Variants in WDR37 observed in about 807,000 individuals in gnomAD.
The protein encoded by WDR37 is WD repeat domain 37, also known as WD repeat-containing protein 37.
WDR37 carries 19 observed loss-of-function variants against 62.9 expected under a neutral mutation model. The ratio of observed to expected loss-of-function variants is 0.30; its 90% CI spans 0.21 to 0.44. The LOEUF (loss-of-function observed/expected upper bound fraction) is 0.44. Among genes scored for constraint, WDR37 ranks in the 20% least tolerant of loss-of-function variants. The pLI, the probability that WDR37 is intolerant of heterozygous loss-of-function variation, is 1.00. For synonymous variants in WDR37, 250 were observed against 260.9 expected (o/e 0.96, Z 0.40); for missense variants, 474 against 657.6 (o/e 0.72, Z 3.05).
chr10:1,097,270 A>G (rs537166643), intron 9 of WDR37, among the ~76,000 whole-genome samples: 10 of 152,280 alleles, frequency 6.6e-5, no homozygotes, highest in Admixed American at 6.5e-4. Flanking sequence ...GCCAGTTGAC[A>G]GGGAGGCGAG....
chr10:1,060,101 A>G (rs1833328313), intron 1 of WDR37, among the ~76,000 whole-genome samples: 1 of 152,218 alleles, frequency 6.6e-6, no homozygotes, highest in South Asian at 2.1e-4. Flanking sequence ...GGCCTCCCAA[A>G]AGGCTGGGAT....
At position 1,107,412 on chromosome 10, in the gene WDR37, C is replaced by T. The variant is rs191816910; in HGVS notation, c.1103+2145C>T. On this transcript the variant is annotated intron_variant, in intron 11 of 13. Transcript: ENST00000263150. ...GAGGAGCAAGATGGTCTCACTCCTG[C>T]GCCTGCAGTGCTTTCCTAAGCTTTT... 2.4e-4 allele frequency among the ~76,000 whole-genome samples: 37 copies of T among 152,372 alleles called. No individual in the cohort carries two copies. In the East Asian group the frequency reaches 5.8e-3, roughly 24 times the overall value.
chr10:1,058,711 C>T (rs1342700157), intron 1 of WDR37, among the ~76,000 whole-genome samples: 1 of 152,194 alleles, frequency 6.6e-6, no homozygotes, highest in African/African-American at 2.4e-5. Context: ...ATACTGATGA[C>T]AGATTTCTGA....
intron 7 of WDR37, among the ~76,000 whole-genome samples, chr10:1,086,980 G>A (rs1313767239): frequency 6.6e-6 from 1 of 152,104 alleles, no homozygotes; most frequent in African/African-American, 2.4e-5. Flanking sequence ...ACACCTCCAC[G>A]CTGCCAGGCT....
chr10:1,098,602 G>C (rs1293592578), intron 9 of WDR37, among the ~76,000 whole-genome samples: 1 of 152,202 alleles, frequency 6.6e-6, no homozygotes, highest in Admixed American at 6.5e-5. Context: ...TGGGATTACA[G>C]GCGTGAGCCA....
chr10:1,096,346 C>T, intron 9 of WDR37, 100 bp downstream of exon 9: 1 of 1,376,944 alleles, frequency 7.3e-7, no homozygotes, highest in South Asian at 1.2e-5. Context: ...TTTGTGTCCC[C>T]CCAAGTTCAG....
chr10:1,078,186 G>A (rs892334413), intron 3 of WDR37, among the ~76,000 whole-genome samples, 183 bp downstream of exon 3: 2 of 151,948 alleles, frequency 1.3e-5, no homozygotes, highest in African/African-American at 2.4e-5. Flanking sequence ...TAATTCCCAC[G>A]AGGACTCCGT....
chr10:1,126,276 G>A (rs572963945), intron 13 of WDR37, among the ~76,000 whole-genome samples: 16 of 151,892 alleles, frequency 1.1e-4, no homozygotes, highest in Non-Finnish European at 2.4e-4. Flanking sequence ...CGTGGTGGCG[G>A]GCGTCTGTAG....
At chr10:1,068,508 G>A (rs1336685412) in intron 1 of WDR37, among the ~76,000 whole-genome samples, 2 of 151,930 alleles carry the variant, frequency 1.3e-5, no homozygotes, top group Non-Finnish European at 2.9e-5. Context: ...ACCCTAAATA[G>A]CCTGTCTTGA....
At chr10:1,123,272 A>C (rs1835642961) in intron 11 of WDR37, among the ~76,000 whole-genome samples, 2 of 152,398 alleles carry the variant, frequency 1.3e-5, no homozygotes, top group African/African-American at 4.8e-5. Context: ...AAATATACAT[A>C]ATATGAAACT....
chr10:1,109,357 G>T (rs1835135021), intron 11 of WDR37, among the ~76,000 whole-genome samples: 1 of 152,154 alleles, frequency 6.6e-6, no homozygotes, highest in Non-Finnish European at 1.5e-5. Context: ...GCATGTTTTC[G>T]CTTCTAAGGC....
intron 1 of WDR37, among the ~76,000 whole-genome samples, chr10:1,058,310 G>A (rs536847880): frequency 1.3e-5 from 2 of 152,330 alleles, no homozygotes; most frequent in East Asian, 1.9e-4. Context: ...GTTACGTTAT[G>A]TAATATATGC....
rs74120419 is a variant in WDR37 at position 1,075,753 on chromosome 10, A to G, written c.139-2154A>G. On this transcript the variant is annotated intron_variant, in intron 2 of 13. Coordinates refer to ENST00000263150, the MANE Select transcript of WDR37 (RefSeq NM_014023.4). ...TACTAATAGTGATTCTCAGTTCAGCACAAGCTTATGTTTCATAGTTATTGG... is the reference window on the plus strand; with the variant it reads ...TACTAATAGTGATTCTCAGTTCAGCGCAAGCTTATGTTTCATAGTTATTGG... 8.6e-3 allele frequency among the ~76,000 whole-genome samples: 1,300 copies of G among 150,990 alleles called. 12 individuals are homozygous for G. Among genetic ancestry groups the G allele is most frequent in the African/African-American group, 0.02 (834 of 41,128 alleles).
chr10:1,113,973 T>TTTTA (rs1554825604), intron 11 of WDR37, among the ~76,000 whole-genome samples: 1 of 144,746 alleles, frequency 6.9e-6, no homozygotes, highest in East Asian at 2.0e-4. Context: ...TTTTTTTTTT[T>TTTTA]AAGATGGGAG....
intron 11 of WDR37, 162 bp from the exon 12 acceptor site, chr10:1,124,056 G>A (rs1835666678): frequency 2.5e-6 from 2 of 810,046 alleles, no homozygotes; most frequent in East Asian, 5.3e-5. Flanking sequence ...TTCTTGCACT[G>A]GTGGAGAGGC....
intron 1 of WDR37, 53 bp from the exon 2 acceptor site, chr10:1,072,060 TTTC>T (rs1361263083): frequency 2.1e-6 from 3 of 1,412,198 alleles, no homozygotes; most frequent in African/African-American, 2.9e-5. Context: ...CTTCACTGTT[TTTC>T]TTTTGTTTCA....
intron 12 of WDR37, 64 bp downstream of exon 12, chr10:1,124,416 C>A (rs1312292714): frequency 4.4e-6 from 7 of 1,601,658 alleles, no homozygotes; most frequent in Non-Finnish European, 6.0e-6. Flanking sequence ...ATTGTGATTT[C>A]ATGTTTTATT....
At chr10:1,109,526 A>G (rs1835143627) in intron 11 of WDR37, among the ~76,000 whole-genome samples, 1 of 152,178 alleles carries the variant, frequency 6.6e-6, no homozygotes. Context: ...AGCTTGACCA[A>G]CATGGAGAAA....
intron 11 of WDR37, among the ~76,000 whole-genome samples, chr10:1,114,905 C>A (rs1021945471): frequency 1.3e-5 from 2 of 152,214 alleles, no homozygotes; most frequent in African/African-American, 4.8e-5. Context: ...GGTGAATAGA[C>A]GTGCCTGCAA....
Sources: allele counts gnomAD v4.1 joint callset (sites outside exome capture counted in the v4.1 genomes callset), GRCh38; gene constraint gnomAD v4.1.1; transcripts MANE v1.5; gene names NCBI Gene and HGNC (gene_info 2026-07-23, HGNC 2026-07-21).